UPB1: variants seen among roughly 807,000 people sequenced by gnomAD.
The protein encoded by UPB1 is beta-ureidopropionase.
UPB1 carries 40 observed loss-of-function variants against 49.1 expected under a neutral mutation model. The ratio of observed to expected loss-of-function variants is 0.81; its 90% confidence interval spans 0.63 to 1.06. The LOEUF is 1.06. UPB1 is among the 50% of genes least tolerant of loss of function. The pLI, the probability that UPB1 is intolerant of heterozygous loss-of-function variation, is 0.00. For missense variants in UPB1, 499 were observed against 505.9 expected (o/e 0.99, Z 0.13); for synonymous variants, 207 against 198.2 (o/e 1.04, Z -0.38).
In UPB1 at chr22:24,522,029, G is replaced by T; in HGVS notation, c.916+1G>T. On this transcript the variant is annotated splice_donor_variant, in intron 8 of 9. Transcript: ENST00000326010. LOFTEE classifies it high-confidence loss of function. The stretch of plus-strand genomic sequence containing the variant: ...TTTACCTCGGGAGATGGAAAGAAAG[G>T]TATGTCCCATGAACCATGGTGGCTG... The T allele has an allele frequency of 1.2e-6, 2 of 1,613,942 alleles. No individual in the cohort carries two copies. The highest frequency in any genetic ancestry group is 1.7e-6 in the Non-Finnish European group (2 of 1,179,988).
chr22:24,526,067 T>A lies in UPB1; in HGVS notation c.*273T>A. The A allele has an allele frequency of 2.2e-6, 1 of 459,286 alleles. No homozygotes were observed. Among genetic ancestry groups the A allele is most frequent in the Non-Finnish European group, 4.0e-6 (1 of 249,818 alleles). The allele number at this position is 459,286 out of a possible 1,614,324, so 28.5% of individuals were successfully genotyped here. Reference sequence around the variant, plus strand: ...TACTTCAGAATGTTTGTTATGTAAATTTTACCTCAACTAAAAAAAAAAATG... The same window carrying A: ...TACTTCAGAATGTTTGTTATGTAAAATTTACCTCAACTAAAAAAAAAAATG... On this transcript the variant is annotated 3_prime_UTR_variant, in exon 10 of 10. Transcript: ENST00000326010.
chr22:24,519,495 T>C (rs774971890), intron 6 of UPB1, among the ~76,000 whole-genome samples: 4 of 151,924 alleles, frequency 2.6e-5, no homozygotes, highest in Non-Finnish European at 4.4e-5. Context: ...GGGTCTCTGG[T>C]TGGGGCCGTG....
intron 4 of UPB1, among the ~76,000 whole-genome samples, chr22:24,512,920 T>C (rs1204847161): frequency 2.0e-5 from 3 of 152,228 alleles, no homozygotes; most frequent in East Asian, 3.8e-4. Context: ...CATTTATCCA[T>C]TCACCCATTG....
At chr22:24,504,253 G>A (rs1269292076) in intron 3 of UPB1, among the ~76,000 whole-genome samples, 1 of 152,238 alleles carries the variant, frequency 6.6e-6, no homozygotes, top group Non-Finnish European at 1.5e-5. Flanking sequence ...GAACACATCA[G>A]AGGTAAACTT....
At chr22:24,510,953 G>C in intron 4 of UPB1, 110 bp downstream of exon 4, 1 of 1,137,852 alleles carries the variant, frequency 8.8e-7, no homozygotes, top group Non-Finnish European at 1.3e-6. Flanking sequence ...CACCCATTTG[G>C]TGCTTGTTTT....
intron 3 of UPB1, among the ~76,000 whole-genome samples, chr22:24,509,099 C>T (rs766467533): frequency 3.3e-5 from 5 of 151,946 alleles, no homozygotes; most frequent in African/African-American, 7.3e-5. Context: ...TCAGCCTCAC[C>T]GGGGATATGG....
At chr22:24,511,241 C>T (rs183226294) in intron 4 of UPB1, among the ~76,000 whole-genome samples, 55 of 152,282 alleles carry the variant, frequency 3.6e-4, no homozygotes, top group African/African-American at 1.3e-3. Flanking sequence ...GCCTGTGTCT[C>T]ATCAGCATAG....
intron 6 of UPB1, among the ~76,000 whole-genome samples, chr22:24,516,059 T>C (rs1217016461): frequency 2.6e-5 from 4 of 152,224 alleles, no homozygotes; most frequent in Non-Finnish European, 5.9e-5. Flanking sequence ...CTAGCCAGCA[T>C]TGGCTCTTGG....
At chr22:24,521,500 A>G (rs1417289838) in intron 7 of UPB1, among the ~76,000 whole-genome samples, 2 of 152,162 alleles carry the variant, frequency 1.3e-5, no homozygotes, top group Non-Finnish European at 2.9e-5. Context: ...AATTAAATAA[A>G]TAAATAGAAA....
At position 24,522,037 on chromosome 22, in the gene UPB1, C is replaced by G. The variant is rs753365227; in HGVS notation, c.916+9C>G. 6.2e-7 allele frequency: 1 copy of G among 1,613,708 alleles called. No homozygotes were observed. Among genetic ancestry groups the G allele is most frequent in the Non-Finnish European group, 8.5e-7 (1 of 1,179,960 alleles). The stretch of plus-strand genomic sequence containing the variant: ...GGGAGATGGAAAGAAAGGTATGTCC[C>G]ATGAACCATGGTGGCTGCAGTTGAG... On this transcript the variant is annotated intron_variant, in intron 8 of 9. Transcript: ENST00000326010.
At chr22:24,512,657 G>C (rs1433159921) in intron 4 of UPB1, among the ~76,000 whole-genome samples, 1 of 152,092 alleles carries the variant, frequency 6.6e-6, no homozygotes, top group East Asian at 1.9e-4. Context: ...TTGCAAATCT[G>C]ACTCTGTCCC....
chr22:24,517,934 G>C (rs1361476300), intron 6 of UPB1, among the ~76,000 whole-genome samples: 1 of 152,216 alleles, frequency 6.6e-6, no homozygotes, highest in Non-Finnish European at 1.5e-5. Context: ...GGAGGCCAAG[G>C]CTGGCGGATC....
chr22:24,500,634 G>A (rs894769343), intron 2 of UPB1, among the ~76,000 whole-genome samples: 4 of 152,258 alleles, frequency 2.6e-5, no homozygotes, highest in East Asian at 1.9e-4. Context: ...GCCAGCACAC[G>A]CTGGTTGGGA....
rs140157113 is a variant in UPB1 at position 24,502,201 on chromosome 22, C to T, written c.352C>T (p.Gln118Ter). 172 of 1,614,030 alleles carry T rather than the reference C, an allele frequency of 1.1e-4. No individual in the cohort carries two copies. Among genetic ancestry groups the T allele is most frequent in the Non-Finnish European group, 1.4e-4 (167 of 1,180,040 alleles). Residue 118 changes from glutamine (Q) to a stop codon, truncating the protein, a stop_gained, in exon 3 of 10, where the codon CAG (glutamine) becomes TAG (stop). Transcript: ENST00000326010. LOFTEE classifies it high-confidence loss of function. ...GTGTGGAGTCAACATCATCTGTTTC[C>T]AGGAAGCATGGAGTGAGTCTTTTTT... ...AMCGVNIICF[Q>*]EAWTMPFAFC... is the part of the protein sequence containing the mutation.
chr22:24,513,103 C>T (rs2044235370), intron 4 of UPB1, among the ~76,000 whole-genome samples: 1 of 152,112 alleles, frequency 6.6e-6, no homozygotes, highest in African/African-American at 2.4e-5. Flanking sequence ...TATGGTTTTC[C>T]AGAGCAGCTG....
At chr22:24,509,288 G>A in intron 3 of UPB1, among the ~76,000 whole-genome samples, 1 of 142,412 alleles carries the variant, frequency 7.0e-6, no homozygotes, top group South Asian at 2.2e-4. Context: ...ATAGGAGACT[G>A]CTCTGAACTT....
intron 5 of UPB1, among the ~76,000 whole-genome samples, chr22:24,514,306 G>T (rs187601673): frequency 2.6e-4 from 39 of 152,120 alleles, no homozygotes; most frequent in African/African-American, 9.2e-4. Flanking sequence ...GCGTTTCTCA[G>T]TAACAGCTGG....
At chr22:24,513,562 T>TAAA in intron 5 of UPB1, 77 bp downstream of exon 5, 1 of 1,546,424 alleles carries the variant, frequency 6.5e-7, no homozygotes. Context: ...TGGGACTTTC[T>TAAA]GTGGGGAAGT....
In UPB1 at chr22:24,500,441, C is replaced by G. The variant is rs143220599; in HGVS notation, c.276+163C>G. On this transcript the variant is annotated intron_variant, in intron 2 of 9. Transcript: ENST00000326010. ...CCCTGGCCTCCCCACATCCCTCCAG[C>G]CTGCATCTCTGGCTCTTCTGTCTTC... Among the ~76,000 whole-genome samples the G allele has an allele frequency of 5.7e-3, 874 of 152,384 alleles. 8 individuals are homozygous for G. The highest frequency in any genetic ancestry group is 8.5e-3 in the Non-Finnish European group (581 of 68,036).
Sources: gnomAD v4.1 joint callset for allele counts (sites outside exome capture counted in the v4.1 genomes callset) on GRCh38, gnomAD v4.1.1 for gene constraint, MANE v1.5 for transcripts, NCBI Gene and HGNC (gene_info 2026-07-23, HGNC 2026-07-21) for gene names.